The following CDYL variants were observed in gnomAD, a reference collection of about 807,000 sequenced individuals.
The protein encoded by CDYL is chromodomain Y-like protein.
CDYL carries 8 observed loss-of-function variants against 47.3 expected under a neutral mutation model. That is an observed-to-expected ratio of 0.17 (90% CI 0.10 to 0.31). The LOEUF is 0.31. Among genes scored for constraint, CDYL ranks in the 10% least tolerant of loss-of-function variants. The probability of loss-of-function intolerance (pLI) is 1.00; values close to 1 mark genes in which losing one functional copy is unlikely to be tolerated. For missense variants in CDYL, 471 were observed against 701.4 expected (o/e 0.67, Z 3.71); for synonymous variants, 266 against 265.0 (o/e 1.00, Z -0.04).
At chr6:4,720,992 T>TG (rs1248778942) in intron 2 of CDYL, among the ~76,000 whole-genome samples, 3 of 152,196 alleles carry the variant, frequency 2.0e-5, no homozygotes, top group Admixed American at 6.5e-5. Context: ...TAGCTTGGTT[T>TG]GGGATTGCTG....
At chr6:4,782,198 T>C (rs1263812068) in intron 1 of CDYL, among the ~76,000 whole-genome samples, 1 of 152,064 alleles carries the variant, frequency 6.6e-6, no homozygotes, top group Non-Finnish European at 1.5e-5. Flanking sequence ...AAACATCAGG[T>C]AGTTAGCTAA....
intron 6 of CDYL, among the ~76,000 whole-genome samples, chr6:4,952,939 T>C (rs1385580278): frequency 6.6e-6 from 1 of 152,024 alleles, no homozygotes. Context: ...GGGTTATTTT[T>C]GTATTTTCAG....
intron 2 of CDYL, among the ~76,000 whole-genome samples, chr6:4,895,451 A>G (rs1473122926): frequency 0.026 from 2,278 of 88,134 alleles, 1,040 homozygotes; most frequent in African/African-American, 0.1. Context: ...ATATATGCAT[A>G]TATACATGTA....
chr6:4,905,820 G>T (rs1409783617), intron 2 of CDYL, among the ~76,000 whole-genome samples: 3 of 151,728 alleles, frequency 2.0e-5, no homozygotes, highest in Non-Finnish European at 4.4e-5. Context: ...TAAATGTATG[G>T]GGTACAAGTG....
At chr6:4,922,164 G>GATAA (rs1434806139) in intron 2 of CDYL, among the ~76,000 whole-genome samples, 7 of 152,174 alleles carry the variant, frequency 4.6e-5, no homozygotes, top group African/African-American at 1.7e-4. Flanking sequence ...CATCTTCAGG[G>GATAA]GATTATGGCT....
At chr6:4,723,872 G>C (rs78029887) in intron 2 of CDYL, among the ~76,000 whole-genome samples, 1,650 of 152,344 alleles carry the variant, frequency 0.011, 13 homozygotes, top group Non-Finnish European at 0.017. Context: ...GGTCTAACCG[G>C]TCCCTGCAGA....
chr6:4,899,171 C>A (rs186597447), intron 2 of CDYL, among the ~76,000 whole-genome samples: 5 of 152,290 alleles, frequency 3.3e-5, no homozygotes, highest in African/African-American at 1.2e-4. Context: ...TAATCATCCC[C>A]TGTTGTATGT....
chr6:4,797,020 C>A (rs1274752662), intron 1 of CDYL, among the ~76,000 whole-genome samples: 1 of 152,122 alleles, frequency 6.6e-6, no homozygotes, highest in African/African-American at 2.4e-5. Context: ...TTCTGCTTAT[C>A]TGTTATTTTG....
In CDYL at chr6:4,954,100, G is replaced by T; in HGVS notation, c.*44G>T. On this transcript the variant is annotated 3_prime_UTR_variant, in exon 7 of 7. Transcript: ENST00000397588. ...GTGACACCGGGATCGGGCTGAGCAG[G>T]AGAACATCACCGGCTCCAGTTCCCC... 1.3e-6 allele frequency: 2 copies of T among 1,580,430 alleles called. No homozygotes were observed. The highest frequency in any genetic ancestry group is 1.2e-5 in the South Asian group (1 of 85,966).
intron 1 of CDYL, among the ~76,000 whole-genome samples, chr6:4,854,794 G>C (rs139257160): frequency 6.6e-6 from 1 of 152,272 alleles, no homozygotes; most frequent in East Asian, 1.9e-4. Flanking sequence ...CCCCAGGGGT[G>C]TACATGAAGC....
At chr6:4,903,203 C>T (rs1481649051) in intron 2 of CDYL, among the ~76,000 whole-genome samples, 1 of 152,214 alleles carries the variant, frequency 6.6e-6, no homozygotes, top group Non-Finnish European at 1.5e-5. Flanking sequence ...TAGGGGACGT[C>T]CTCCAAATCA....
intron 1 of CDYL, among the ~76,000 whole-genome samples, chr6:4,852,336 CTCCT>C (rs1202537013): frequency 1.4e-5 from 2 of 139,138 alleles, no homozygotes; most frequent in African/African-American, 5.5e-5. Flanking sequence ...CCTTCCTTCC[CTCCT>C]TCCTTCCTTC....
intron 1 of CDYL, among the ~76,000 whole-genome samples, chr6:4,855,217 G>T (rs950008464): frequency 1.3e-5 from 2 of 152,142 alleles, no homozygotes; most frequent in Non-Finnish European, 2.9e-5. Context: ...TTAACCCTTT[G>T]AAGTAAAATG....
intron 4 of CDYL, among the ~76,000 whole-genome samples, chr6:4,940,904 C>T (rs1435149167): frequency 6.6e-6 from 1 of 152,262 alleles, no homozygotes; most frequent in African/African-American, 2.4e-5. Flanking sequence ...AGAGAGACCT[C>T]AGCCATGGAA....
At chr6:4,947,281 T>C (rs1348772543) in intron 5 of CDYL, among the ~76,000 whole-genome samples, 4 of 152,202 alleles carry the variant, frequency 2.6e-5, no homozygotes, top group Non-Finnish European at 4.4e-5. Context: ...GTGGGCCATG[T>C]CCGTAGGCTC....
At chr6:4,867,296 G>A (rs1417233270) in intron 1 of CDYL, among the ~76,000 whole-genome samples, 2 of 151,872 alleles carry the variant, frequency 1.3e-5, no homozygotes, top group Non-Finnish European at 2.9e-5. Flanking sequence ...TACCATCTGT[G>A]AATAAAGACA....
intron 1 of CDYL, among the ~76,000 whole-genome samples, chr6:4,845,857 C>T (rs973479631): frequency 1.3e-5 from 2 of 152,036 alleles, no homozygotes; most frequent in African/African-American, 2.4e-5. Flanking sequence ...GGATTTGGCC[C>T]GCAGACCAAT....
At chr6:4,817,016 C>T (rs1182059333) in intron 1 of CDYL, among the ~76,000 whole-genome samples, 4 of 152,158 alleles carry the variant, frequency 2.6e-5, no homozygotes, top group African/African-American at 9.7e-5. Flanking sequence ...TTTTATAAGT[C>T]ATGAGCATTT....
intron 2 of CDYL, among the ~76,000 whole-genome samples, chr6:4,914,362 A>G (rs1009964916): frequency 1.3e-5 from 2 of 152,080 alleles, no homozygotes; most frequent in Non-Finnish European, 2.9e-5. Context: ...TGTGCCTGAA[A>G]GCCTGCTTCA....
Sources: gnomAD v4.1 joint callset for allele counts (sites outside exome capture counted in the v4.1 genomes callset) on GRCh38, gnomAD v4.1.1 for gene constraint, MANE v1.5 for transcripts, NCBI Gene and HGNC (gene_info 2026-07-23, HGNC 2026-07-21) for gene names.